Variants in PABPC4L observed in about 807,000 individuals in gnomAD.
PABPC4L encodes polyadenylate-binding protein 4-like.
For synonymous variants in PABPC4L, 169 were observed against 164.1 expected (o/e 1.03, Z -0.23); for missense variants, 452 against 451.4 (o/e 1.00, Z -0.01).
chr4:134,145,033 C>A, the PABPC4L span, among the ~76,000 whole-genome samples: 5 of 151,688 alleles, frequency 3.3e-5, no homozygotes, highest in African/African-American at 1.2e-4. Flanking sequence ...TTCTATAGTA[C>A]GTTCAAGTGT....
chr4:134,006,355 A>G, the PABPC4L span, among the ~76,000 whole-genome samples: 2 of 151,952 alleles, frequency 1.3e-5, no homozygotes, highest in Non-Finnish European at 2.9e-5. Flanking sequence ...TGCTTCTAGT[A>G]CTATAATCTT....
rs1174334869 is a variant in PABPC4L, at chr4:134,200,859, G to A, written c.161C>T (p.Ala54Val). 6.4e-7 allele frequency: 1 copy of A among 1,572,498 alleles called. No individual in the cohort carries two copies. Among genetic ancestry groups the A allele is most frequent in the East Asian group, 2.3e-5 (1 of 42,860 alleles). The change falls in exon 2 of 2, where the codon GCC (alanine) becomes GTC (valine). Residue 54 changes from alanine to valine, a missense_variant. Ala to Val is a moderately conservative substitution (Grantham distance 64). Transcript: ENST00000421491. ...AGCCAGCTGCAAGAAGTTCACGTAG[G>A]CATAGCCCAGAGAGCGGCGGGTGAC... is the stretch of plus-strand genomic sequence containing the variant. ...DQVTRRSLGYAYVNFLQLADA... is the reference protein window; with the variant it reads ...DQVTRRSLGYVYVNFLQLADA...
the PABPC4L span, among the ~76,000 whole-genome samples, chr4:134,023,456 A>G: frequency 6.6e-6 from 1 of 152,126 alleles, no homozygotes; most frequent in Non-Finnish European, 1.5e-5. Flanking sequence ...CTGATCTGGA[A>G]AAGTATTATA....
At chr4:134,130,399 T>C in the PABPC4L span, among the ~76,000 whole-genome samples, 32 of 152,078 alleles carry the variant, frequency 2.1e-4, no homozygotes, top group African/African-American at 7.5e-4. Flanking sequence ...CTATTATGAA[T>C]GCCTTTATGC....
At chr4:134,025,342 TG>T in the PABPC4L span, among the ~76,000 whole-genome samples, 1 of 144,106 alleles carries the variant, frequency 6.9e-6, no homozygotes. Flanking sequence ...AGTGCTGTGC[TG>T]GGGTTACAAG....
the PABPC4L span, among the ~76,000 whole-genome samples, chr4:133,994,001 C>T: frequency 3.9e-5 from 6 of 152,204 alleles, no homozygotes; most frequent in African/African-American, 1.4e-4. Flanking sequence ...GAAAAGGTCT[C>T]CAAGGCCAAT....
At chr4:134,152,277 G>A in the PABPC4L span, among the ~76,000 whole-genome samples, 3 of 152,186 alleles carry the variant, frequency 2.0e-5, no homozygotes, top group East Asian at 5.8e-4. Flanking sequence ...TCAGGTTTTA[G>A]TGTTAAGAAT....
the PABPC4L span, among the ~76,000 whole-genome samples, chr4:134,074,503 G>A: frequency 6.6e-6 from 1 of 152,006 alleles, no homozygotes; most frequent in Non-Finnish European, 1.5e-5. Flanking sequence ...CTTATTTTGA[G>A]CCCCCAAAAC....
the PABPC4L span, among the ~76,000 whole-genome samples, chr4:134,106,083 T>C: frequency 6.6e-6 from 1 of 151,684 alleles, no homozygotes; most frequent in African/African-American, 2.4e-5. Flanking sequence ...CCTGTTTTAT[T>C]ATGGTCAATA....
the PABPC4L span, among the ~76,000 whole-genome samples, chr4:134,019,439 A>G: frequency 0.15 from 22,745 of 152,168 alleles, 2,001 homozygotes; most frequent in Non-Finnish European, 0.19. Flanking sequence ...ATAAAGCAGG[A>G]AACTGATTTC....
chr4:134,057,706 G>T, the PABPC4L span, among the ~76,000 whole-genome samples: 2 of 152,150 alleles, frequency 1.3e-5, no homozygotes, highest in Admixed American at 6.6e-5. Flanking sequence ...TTTTGGAATT[G>T]CTGGCTTCTT....
At chr4:134,059,080 T>A in the PABPC4L span, among the ~76,000 whole-genome samples, 2 of 151,918 alleles carry the variant, frequency 1.3e-5, no homozygotes, top group African/African-American at 4.8e-5. Context: ...GAATAGTTAT[T>A]TAAAAGTCTG....
chr4:133,971,045 T>C, the PABPC4L span, among the ~76,000 whole-genome samples: 2 of 151,188 alleles, frequency 1.3e-5, no homozygotes, highest in Admixed American at 6.6e-5. Flanking sequence ...TCTCTTTTAC[T>C]CATCATGTTC....
the PABPC4L span, among the ~76,000 whole-genome samples, chr4:134,020,872 G>A: frequency 8.5e-4 from 130 of 152,102 alleles, no homozygotes; most frequent in Non-Finnish European, 1.3e-3. Context: ...AACTACTTAG[G>A]ATATTGCTAT....
chr4:134,200,729 A>T lies in PABPC4L; in HGVS notation c.291T>A (p.Ile97=). 1 of 1,551,732 alleles carries T rather than the reference A, an allele frequency of 6.4e-7. No individual in the cohort carries two copies. The highest frequency in any genetic ancestry group is 8.7e-7 in the Non-Finnish European group (1 of 1,146,988). ...QRDAYLRRSG[I]GNVFIKNLDK... ...CCAGATTCTTGATGAATACGTTCCCAATTCCAGATCTCCTCAAGTAGGCAT... is the reference window on the plus strand; with the variant it reads ...CCAGATTCTTGATGAATACGTTCCCTATTCCAGATCTCCTCAAGTAGGCAT... Residue 97 remains isoleucine, a synonymous_variant, in exon 2 of 2, where the codon ATT becomes ATA. Transcript: ENST00000421491.
the PABPC4L span, among the ~76,000 whole-genome samples, chr4:134,017,702 C>T: frequency 6.6e-6 from 1 of 152,032 alleles, no homozygotes; most frequent in African/African-American, 2.4e-5. Flanking sequence ...TTTAGTTTTC[C>T]AATTCATACA....
the PABPC4L span, among the ~76,000 whole-genome samples, chr4:134,167,707 A>G: frequency 6.6e-6 from 1 of 151,822 alleles, no homozygotes; most frequent in Non-Finnish European, 1.5e-5. Flanking sequence ...TAATTATATA[A>G]TAATAAAGGG....
chr4:134,049,845 GACTA>G, the PABPC4L span, among the ~76,000 whole-genome samples: 6 of 152,132 alleles, frequency 3.9e-5, no homozygotes, highest in South Asian at 1.0e-3. Context: ...TGGTAAATGA[GACTA>G]ACTCAGTTTT....
the PABPC4L span, among the ~76,000 whole-genome samples, chr4:134,163,173 C>T: frequency 2.0e-5 from 3 of 152,012 alleles, no homozygotes; most frequent in Non-Finnish European, 4.4e-5. Flanking sequence ...CAAATGGAGG[C>T]ATTCCAATTG....
Sources: gnomAD v4.1 joint callset for allele counts (sites outside exome capture counted in the v4.1 genomes callset) on GRCh38, gnomAD v4.1.1 for gene constraint, MANE v1.5 for transcripts, NCBI Gene and HGNC (gene_info 2026-07-23, HGNC 2026-07-21) for gene names.